CSMD2: variants seen among roughly 807,000 people sequenced by gnomAD.
The protein encoded by CSMD2 is CUB and sushi domain-containing protein 2.
Under a neutral mutation model 398.5 loss-of-function variants are expected in CSMD2, and 130 were observed. That is an observed-to-expected ratio of 0.33 (90% CI 0.28 to 0.38). The LOEUF (loss-of-function observed/expected upper bound fraction) is 0.38, where lower values mean the gene tolerates loss of function less well. CSMD2 is among the 10% of genes least tolerant of loss of function. CSMD2 has a pLI of 1.00. For missense variants in CSMD2, 3,829 were observed against 4,764.9 expected (o/e 0.80, Z 5.78); for synonymous variants, 1,828 against 1,908.5 (o/e 0.96, Z 1.10).
chr1:33,928,673 A>C (rs1644208526), intron 4 of CSMD2, among the ~76,000 whole-genome samples: 1 of 152,206 alleles, frequency 6.6e-6, no homozygotes, highest in African/African-American at 2.4e-5. Flanking sequence ...TGGTATAGTA[A>C]CAGTAATTGC....
rs920326740 is a variant in CSMD2, at chr1:33,945,820, G to A, written c.518-9866C>T. Among the ~76,000 whole-genome samples the A allele has an allele frequency of 5.9e-5, 9 of 152,194 alleles. No homozygotes were observed. The East Asian group carries it at 9.6e-4, about 16-fold the overall frequency. ...CCCCCTGCTCAGCCCGATCTGCCCCGACAGCACCCTAGCCCAGGGATGATC... is the reference window on the plus strand; with the variant it reads ...CCCCCTGCTCAGCCCGATCTGCCCCAACAGCACCCTAGCCCAGGGATGATC... On this transcript the variant is annotated intron_variant, in intron 3 of 70. Coordinates refer to ENST00000373381, the MANE Select transcript of CSMD2 (RefSeq NM_001281956.2).
chr1:33,919,952 G>A (rs1315315048), intron 4 of CSMD2, among the ~76,000 whole-genome samples: 3 of 152,194 alleles, frequency 2.0e-5, no homozygotes, highest in African/African-American at 4.8e-5. Context: ...TTACATTCTG[G>A]TCAGAAGGAT....
chr1:33,682,024 C>T (rs1347908698), intron 25 of CSMD2, among the ~76,000 whole-genome samples: 1 of 152,172 alleles, frequency 6.6e-6, no homozygotes, highest in Non-Finnish European at 1.5e-5. Flanking sequence ...TTCTGGAGGC[C>T]AGATGTCTGA....
intron 6 of CSMD2, among the ~76,000 whole-genome samples, chr1:33,833,584 A>T (rs961796517): frequency 6.8e-6 from 1 of 147,774 alleles, no homozygotes; most frequent in African/African-American, 2.5e-5. Context: ...CCCTTTGAAA[A>T]CTGGCACAAG....
chr1:34,068,315 G>T (rs559106871), intron 2 of CSMD2, among the ~76,000 whole-genome samples: 1 of 152,222 alleles, frequency 6.6e-6, no homozygotes, highest in East Asian at 1.9e-4. Flanking sequence ...GGTAGCAAGG[G>T]ATATACTTAA....
At chr1:33,595,216 C>T (rs1399281762) in intron 44 of CSMD2, among the ~76,000 whole-genome samples, 1 of 152,194 alleles carries the variant, frequency 6.6e-6, no homozygotes, top group Non-Finnish European at 1.5e-5. Context: ...AGTGTCTTTA[C>T]TTGACCTTCA....
intron 24 of CSMD2, among the ~76,000 whole-genome samples, chr1:33,694,297 T>C (rs1571247270): frequency 1.3e-5 from 2 of 152,134 alleles, no homozygotes; most frequent in South Asian, 2.1e-4. Context: ...TTTTCTCTTG[T>C]GGGGGACAAA....
intron 12 of CSMD2, among the ~76,000 whole-genome samples, chr1:33,776,604 AG>A (rs1304590050): frequency 3.9e-5 from 6 of 152,158 alleles, no homozygotes; most frequent in Non-Finnish European, 7.3e-5. Context: ...ACCATCCAGC[AG>A]GGCTATATGA....
chr1:33,570,207 G>A (rs550399549), intron 51 of CSMD2, among the ~76,000 whole-genome samples: 8 of 140,274 alleles, frequency 5.7e-5, no homozygotes, highest in East Asian at 4.3e-4. Context: ...TTGCACAGTC[G>A]TCCAGGCTGG....
At chr1:33,530,496 G>T (rs1655139448) in intron 64 of CSMD2, among the ~76,000 whole-genome samples, 1 of 152,156 alleles carries the variant, frequency 6.6e-6, no homozygotes, top group South Asian at 2.1e-4. Flanking sequence ...TTGTTAGTGG[G>T]AATTTAAGTT....
chr1:33,896,356 C>T (rs1642385930), intron 5 of CSMD2, among the ~76,000 whole-genome samples: 1 of 152,170 alleles, frequency 6.6e-6, no homozygotes, highest in African/African-American at 2.4e-5. Context: ...GGGTCTTACA[C>T]ATGGCCACAT....
rs141423181 is a variant in CSMD2, at chr1:33,761,546, C to G, written c.1846+11023G>C. Among the ~76,000 whole-genome samples, 4 of 152,330 alleles carry G rather than the reference C, an allele frequency of 2.6e-5. No homozygotes were observed. The East Asian group carries it at 7.7e-4, about 29-fold the overall frequency. ...GAGGAATTCAAGGAAGGGTGTGGAT[C>G]ACATCTTCAACAACTCAGGGGATGT... is the stretch of plus-strand genomic sequence containing the variant. On this transcript the variant is annotated intron_variant, in intron 13 of 70. Coordinates refer to ENST00000373381, the MANE Select transcript of CSMD2 (RefSeq NM_001281956.2).
At chr1:33,683,897 C>T (rs766521451) in intron 25 of CSMD2, among the ~76,000 whole-genome samples, 26 of 152,218 alleles carry the variant, frequency 1.7e-4, no homozygotes, top group Non-Finnish European at 3.1e-4. Flanking sequence ...TGTAAGTACA[C>T]GAACCTTCTC....
chr1:33,766,773 C>T (rs144304500), intron 13 of CSMD2, among the ~76,000 whole-genome samples: 348 of 152,242 alleles, frequency 2.3e-3, no homozygotes, highest in African/African-American at 7.8e-3. Context: ...GTGACCTAAA[C>T]GAGAAAACCA....
At chr1:34,073,384 T>C (rs979320459) in intron 2 of CSMD2, among the ~76,000 whole-genome samples, 1 of 152,246 alleles carries the variant, frequency 6.6e-6, no homozygotes, top group African/African-American at 2.4e-5. Flanking sequence ...AGTTTACACT[T>C]AATTCATCAG....
chr1:33,813,413 G>T (rs1657078960), intron 9 of CSMD2, among the ~76,000 whole-genome samples: 1 of 152,218 alleles, frequency 6.6e-6, no homozygotes. Flanking sequence ...CCCATCAACA[G>T]ATAGAAAGTT....
At chr1:34,162,784 A>T (rs11576821) in intron 1 of CSMD2, among the ~76,000 whole-genome samples, 2 of 152,000 alleles carry the variant, frequency 1.3e-5, no homozygotes. Context: ...GCTTGAACCC[A>T]GGAGGCGGAG....
chr1:33,634,121 C>T (rs568504712), intron 31 of CSMD2, among the ~76,000 whole-genome samples: 12 of 152,220 alleles, frequency 7.9e-5, no homozygotes, highest in Non-Finnish European at 1.5e-4. Flanking sequence ...TCCTGCAGGT[C>T]TGAGGCCCCT....
chr1:33,623,661 A>G (rs925689693), intron 35 of CSMD2, among the ~76,000 whole-genome samples, 195 bp from the exon 36 acceptor site: 1 of 152,242 alleles, frequency 6.6e-6, no homozygotes, highest in Admixed American at 6.5e-5. Flanking sequence ...AGTGGGGAAG[A>G]CAGATGTGGA....
Sources: gnomAD v4.1 joint callset for allele counts (sites outside exome capture counted in the v4.1 genomes callset) on GRCh38, gnomAD v4.1.1 for gene constraint, MANE v1.5 for transcripts, NCBI Gene and HGNC (gene_info 2026-07-23, HGNC 2026-07-21) for gene names.